Variants in DPY19L3 observed in about 807,000 individuals in gnomAD.
DPY19L3 encodes dpy-19 like C-mannosyltransferase 3, also known as protein C-mannosyl-transferase DPY19L3.
Under a neutral mutation model 92.3 loss-of-function variants are expected in DPY19L3, and 51 were observed. That is an observed-to-expected ratio of 0.55 (90% CI 0.44 to 0.70). DPY19L3 has a LOEUF of 0.70. DPY19L3 is among the 30% of genes least tolerant of loss of function. The pLI, the probability that DPY19L3 is intolerant of heterozygous loss-of-function variation, is 0.00. For missense variants in DPY19L3, 706 were observed against 855.9 expected (o/e 0.82, Z 2.18); for synonymous variants, 309 against 315.2 (o/e 0.98, Z 0.21).
In DPY19L3 at chr19:32,458,401, C is replaced by T. The variant is rs1308208274; in HGVS notation, c.1214C>T (p.Pro405Leu). 1 of 1,613,826 alleles carries T rather than the reference C, an allele frequency of 6.2e-7. No individual in the cohort carries two copies. The highest frequency in any genetic ancestry group is 8.5e-7 in the Non-Finnish European group (1 of 1,179,980). The stretch of plus-strand genomic sequence containing the variant: ...TGTGAAGAAGCTTTTGGCCTCCTGC[C>T]TTTTAATACATTTGGAAGGCTTTCA... ...YLCEEAFGLLPFNTFGRLSDT... is the reference protein window; with the variant it reads ...YLCEEAFGLLLFNTFGRLSDT... Residue 405 changes from proline to leucine, a missense_variant, in exon 12 of 19, where the codon CCT becomes CTT. Physicochemically the swap from Pro to Leu is moderately conservative, Grantham distance 98. Coordinates refer to ENST00000392250, the MANE Select transcript of DPY19L3 (RefSeq NM_001172774.2).
chr19:32,455,020 T>C lies in DPY19L3; in HGVS notation c.1069T>C (p.Phe357Leu), dbSNP rs1345965975. 2 of 1,559,572 alleles carry C rather than the reference T, an allele frequency of 1.3e-6. No homozygotes were observed. Among genetic ancestry groups the C allele is most frequent in the African/African-American group, 1.4e-5 (1 of 71,900 alleles). The change falls in exon 10 of 19, where the codon TTT becomes CTT. Residue 357 changes from phenylalanine (F) to leucine (L), a missense_variant. Phe to Leu is a conservative substitution (Grantham distance 22). Transcript: ENST00000392250. ...HLFMVLCLTL[F>L]LNNIIKKILN... ...ATTTATGGTTTTATGTTTGACACTT[T>C]TTCTCAACAACATAATTAAGGTAAG...
At chr19:32,406,891 A>T (rs557286480) in intron 1 of DPY19L3, among the ~76,000 whole-genome samples, 1 of 152,142 alleles carries the variant, frequency 6.6e-6, no homozygotes, top group Non-Finnish European at 1.5e-5. Flanking sequence ...CACATGGGGG[A>T]TAAGCCCATC....
At chr19:32,453,319 T>A (rs78879458) in intron 9 of DPY19L3, 43 bp downstream of exon 9, 1 of 1,558,782 alleles carries the variant, frequency 6.4e-7, no homozygotes, top group Non-Finnish European at 8.7e-7. Context: ...AACTTTTTTT[T>A]AATTGCGTGG....
chr19:32,419,163 C>CTT (rs1277893362), intron 3 of DPY19L3, among the ~76,000 whole-genome samples: 15 of 136,490 alleles, frequency 1.1e-4, no homozygotes, highest in Non-Finnish European at 2.1e-4. Context: ...TTATTTGTAC[C>CTT]TTTTTTTTTT....
intron 18 of DPY19L3, chr19:32,480,817 C>T (rs1970651252): frequency 1.9e-6 from 1 of 525,852 alleles, no homozygotes; most frequent in Non-Finnish European, 3.3e-6. Flanking sequence ...GCCTTCAGCT[C>T]ATTTGTATGA....
chr19:32,458,173 G>A lies in DPY19L3; in HGVS notation c.1163G>A (p.Arg388Lys). 2.5e-6 allele frequency: 4 copies of A among 1,612,378 alleles called. No individual in the cohort carries two copies. The highest frequency in any genetic ancestry group is 3.4e-6 in the Non-Finnish European group (4 of 1,179,214). The change falls in exon 11 of 19, where the codon AGG (arginine) becomes AAG (lysine). Residue 388 changes from arginine (R) to lysine (K), a missense_variant and splice_region_variant. By Grantham distance (26) the Arg-to-Lys change is conservative. Transcript: ENST00000392250. ...GCAAAATTTGGGCTTGGAGCAACAA[G>A]GTATAACTGAATTGAAAGTCTATGT... ...LKAKFGLGATRDFDANLYLCE... is the reference protein window; with the variant it reads ...LKAKFGLGATKDFDANLYLCE...
At chr19:32,422,301 T>C (rs1169896571) in intron 3 of DPY19L3, among the ~76,000 whole-genome samples, 1 of 152,076 alleles carries the variant, frequency 6.6e-6, no homozygotes, top group Non-Finnish European at 1.5e-5. Context: ...AGCAGAAACA[T>C]AAGAAGGTAT....
intron 3 of DPY19L3, among the ~76,000 whole-genome samples, chr19:32,420,424 AT>A (rs1017440527): frequency 6.6e-6 from 1 of 151,106 alleles, no homozygotes; most frequent in African/African-American, 2.4e-5. Context: ...ATTTTAAGTG[AT>A]TTTTGTTTAG....
chr19:32,428,057 C>G (rs547060381), intron 3 of DPY19L3: 86 of 150,466 alleles, frequency 5.7e-4, no homozygotes, highest in African/African-American at 2.1e-3. Flanking sequence ...CTGCAACTTC[C>G]ACCTCCCGGA....
chr19:32,439,940 A>AT, intron 8 of DPY19L3, 30 bp downstream of exon 8: 1 of 1,608,444 alleles, frequency 6.2e-7, no homozygotes, highest in Non-Finnish European at 8.5e-7. Flanking sequence ...CTCACTTGAG[A>AT]TTTTGGCCAT....
intron 17 of DPY19L3, among the ~76,000 whole-genome samples, chr19:32,479,056 CAT>C (rs1166230438): frequency 2.0e-5 from 3 of 152,108 alleles, no homozygotes; most frequent in Admixed American, 2.0e-4. Context: ...GTTTCAAACT[CAT>C]AAATGTTTCC....
chr19:32,408,569 CTG>C (rs1260506840), intron 2 of DPY19L3, among the ~76,000 whole-genome samples: 2 of 152,142 alleles, frequency 1.3e-5, no homozygotes, highest in South Asian at 2.1e-4. Flanking sequence ...TGTCAGCTGT[CTG>C]TTCATTAACT....
At chr19:32,473,707 G>A (rs1207151281) in intron 16 of DPY19L3, among the ~76,000 whole-genome samples, 1 of 152,222 alleles carries the variant, frequency 6.6e-6, no homozygotes, top group Non-Finnish European at 1.5e-5. Flanking sequence ...GTTTACCACG[G>A]AGCTGGCGTA....
intron 3 of DPY19L3, among the ~76,000 whole-genome samples, chr19:32,418,992 C>T (rs1968470246): frequency 6.6e-6 from 1 of 151,782 alleles, no homozygotes; most frequent in Admixed American, 6.6e-5. Context: ...TATCCTTTCT[C>T]AGCATATTTT....
rs146824029 is a variant in DPY19L3, at chr19:32,414,143, G to A, written c.237+2771G>A. ...ACTAAAGATACAAAAGAAGAGGGCC[G>A]GGCGCAGTGGCTCACACCTTTAATG... On this transcript the variant is annotated intron_variant, in intron 3 of 18. Transcript: ENST00000392250. 2.1e-3 allele frequency among the ~76,000 whole-genome samples: 320 copies of A among 152,190 alleles called. 1 individual carries two copies. The highest frequency in any genetic ancestry group is 6.2e-3 in the African/African-American group (257 of 41,524).
chr19:32,472,383 C>A (rs914625911), intron 16 of DPY19L3, among the ~76,000 whole-genome samples: 2 of 152,118 alleles, frequency 1.3e-5, no homozygotes, highest in African/African-American at 2.4e-5. Flanking sequence ...CCTTCCACAC[C>A]CCAGCCTTTG....
intron 8 of DPY19L3, among the ~76,000 whole-genome samples, chr19:32,442,775 C>T (rs1004998145): frequency 1.3e-5 from 2 of 152,196 alleles, no homozygotes; most frequent in African/African-American, 4.8e-5. Context: ...TAGCGAAATG[C>T]TACAGAAGCA....
At chr19:32,407,273 C>CTCCCA (rs754062545) in intron 1 of DPY19L3, among the ~76,000 whole-genome samples, 1 of 100,362 alleles carries the variant, frequency 1.0e-5, no homozygotes, top group Non-Finnish European at 2.2e-5. Context: ...CTCCCCCCCA[C>CTCCCA]CCATTACTCC....
intron 1 of DPY19L3, among the ~76,000 whole-genome samples, chr19:32,407,273 C>CG (rs754062545): frequency 7.0e-5 from 7 of 100,426 alleles, no homozygotes; most frequent in South Asian, 3.4e-4. Context: ...CTCCCCCCCA[C>CG]CCATTACTCC....
Sources: gnomAD v4.1 joint callset for allele counts (sites outside exome capture counted in the v4.1 genomes callset) on GRCh38, gnomAD v4.1.1 for gene constraint, MANE v1.5 for transcripts, NCBI Gene and HGNC (gene_info 2026-07-23, HGNC 2026-07-21) for gene names.